Variants in DRC11 observed in about 807,000 individuals in gnomAD.
The protein encoded by DRC11 is IQ and AAA domain-containing protein 1.
At chr2:236,357,562 A>ATAT in the DRC11 span, among the ~76,000 whole-genome samples, 21,381 of 125,398 alleles carry the variant, frequency 0.17, 2,096 homozygotes, top group Non-Finnish European at 0.22. Flanking sequence ...ACATATTTAC[A>ATAT]TATATGCATA....
At chr2:236,402,125 G>T in the DRC11 span, among the ~76,000 whole-genome samples, 2 of 152,208 alleles carry the variant, frequency 1.3e-5, no homozygotes, top group Non-Finnish European at 2.9e-5. The surrounding 1 kb of genome is among the most constrained non-coding windows in gnomAD (Gnocchi z 6.0). Flanking sequence ...GCTCAGGGCT[G>T]GCAGCGGCTC....
the DRC11 span, among the ~76,000 whole-genome samples, chr2:236,385,173 A>G: frequency 2.6e-5 from 4 of 151,464 alleles, no homozygotes; most frequent in East Asian, 7.8e-4. Flanking sequence ...TGAACTTTAA[A>G]GTAGTTTTTT....
At chr2:236,357,719 T>TA in the DRC11 span, among the ~76,000 whole-genome samples, 1 of 126,482 alleles carries the variant, frequency 7.9e-6, no homozygotes, top group Non-Finnish European at 1.5e-5. Flanking sequence ...TATGTATTTA[T>TA]AATATATAAA....
At chr2:236,319,401 A>G in the DRC11 span, among the ~76,000 whole-genome samples, 1 of 152,244 alleles carries the variant, frequency 6.6e-6, no homozygotes, top group Non-Finnish European at 1.5e-5. This position sits in a 1 kb window ranked among gnomAD's most constrained non-coding sequence, Gnocchi z 6.7. Flanking sequence ...AGCTGGGATG[A>G]AGCCTGAGTT....
the DRC11 span, among the ~76,000 whole-genome samples, chr2:236,373,276 C>T: frequency 0.033 from 4,470 of 135,668 alleles, 225 homozygotes; most frequent in African/African-American, 0.12. Context: ...TTTTTTTTTG[C>T]GACGGAGTCC....
chr2:236,399,012 CAG>C, the DRC11 span, among the ~76,000 whole-genome samples: 1 of 149,874 alleles, frequency 6.7e-6, no homozygotes, highest in African/African-American at 2.5e-5. This position sits in a 1 kb window ranked among gnomAD's most constrained non-coding sequence, Gnocchi z 7.0. Context: ...TTTTTTGAGG[CAG>C]AGTCTCGCTC....
chr2:236,456,337 G>GC, the DRC11 span, among the ~76,000 whole-genome samples: 1 of 152,322 alleles, frequency 6.6e-6, no homozygotes, highest in East Asian at 1.9e-4. The surrounding 1 kb of genome is among the most constrained non-coding windows in gnomAD (Gnocchi z 5.4). Context: ...AGGTCACGCA[G>GC]CCCGCAAGTG....
the DRC11 span, among the ~76,000 whole-genome samples, chr2:236,456,341 G>A: frequency 1.3e-5 from 2 of 152,282 alleles, no homozygotes; most frequent in East Asian, 1.9e-4. This position sits in a 1 kb window ranked among gnomAD's most constrained non-coding sequence, Gnocchi z 5.4. Context: ...CACGCAGCCC[G>A]CAAGTGATAG....
the DRC11 span, among the ~76,000 whole-genome samples, chr2:236,412,303 G>T: frequency 3.3e-5 from 5 of 152,146 alleles, no homozygotes; most frequent in African/African-American, 1.2e-4. Flanking sequence ...CATGGTGCTG[G>T]ATTTCTTCCT....
the DRC11 span, among the ~76,000 whole-genome samples, chr2:236,430,850 G>C: frequency 6.6e-6 from 1 of 152,156 alleles, no homozygotes; most frequent in Non-Finnish European, 1.5e-5. This position sits in a 1 kb window ranked among gnomAD's most constrained non-coding sequence, Gnocchi z 6.0. Flanking sequence ...AGTTGCATGG[G>C]TGGAAAATGT....
chr2:236,450,002 T>A, the DRC11 span, among the ~76,000 whole-genome samples: 1 of 152,218 alleles, frequency 6.6e-6, no homozygotes, highest in African/African-American at 2.4e-5. Flanking sequence ...TCCACCTGGA[T>A]TAGCTTGGAG....
At chr2:236,362,048 G>C in the DRC11 span, among the ~76,000 whole-genome samples, 1 of 152,096 alleles carries the variant, frequency 6.6e-6, no homozygotes, top group Non-Finnish European at 1.5e-5. The surrounding 1 kb of genome is among the most constrained non-coding windows in gnomAD (Gnocchi z 5.7). Context: ...TAATCAACCA[G>C]GAAGGAAGAC....
the DRC11 span, among the ~76,000 whole-genome samples, chr2:236,472,438 C>T: frequency 6.6e-6 from 1 of 152,150 alleles, no homozygotes; most frequent in African/African-American, 2.4e-5. The surrounding 1 kb of genome is among the most constrained non-coding windows in gnomAD (Gnocchi z 4.6). Context: ...ATAACTTCAG[C>T]AGTATATGAT....
the DRC11 span, among the ~76,000 whole-genome samples, chr2:236,350,724 C>A: frequency 6.6e-6 from 1 of 152,220 alleles, no homozygotes; most frequent in Non-Finnish European, 1.5e-5. This position sits in a 1 kb window ranked among gnomAD's most constrained non-coding sequence, Gnocchi z 5.2. Flanking sequence ...GATGCCTATT[C>A]CTTGACCTGT....
chr2:236,306,950 C>T, the DRC11 span, among the ~76,000 whole-genome samples: 18 of 151,658 alleles, frequency 1.2e-4, no homozygotes, highest in African/African-American at 4.1e-4. This position sits in a 1 kb window ranked among gnomAD's most constrained non-coding sequence, Gnocchi z 5.9. Flanking sequence ...AATCCTCTCC[C>T]GTTCTACACC....
chr2:236,381,157 T>G, the DRC11 span, among the ~76,000 whole-genome samples: 1 of 152,156 alleles, frequency 6.6e-6, no homozygotes, highest in Non-Finnish European at 1.5e-5. This position sits in a 1 kb window ranked among gnomAD's most constrained non-coding sequence, Gnocchi z 5.8. Context: ...TTCCACCATA[T>G]GAAGACACAG....
the DRC11 span, among the ~76,000 whole-genome samples, chr2:236,378,284 G>A: frequency 2.0e-5 from 3 of 152,260 alleles, no homozygotes; most frequent in Non-Finnish European, 2.9e-5. Context: ...CAACTGTAGT[G>A]TTTTAACTTG....
the DRC11 span, chr2:236,324,854 G>T: frequency 2.5e-3 from 2,906 of 1,146,178 alleles, 4 homozygotes; most frequent in Non-Finnish European, 3.2e-3. This position sits in a 1 kb window ranked among gnomAD's most constrained non-coding sequence, Gnocchi z 5.7. Flanking sequence ...TAAAAATAAA[G>T]AAAAGCCTGC....
chr2:236,310,119 TAGG>T, the DRC11 span, among the ~76,000 whole-genome samples: 1 of 152,130 alleles, frequency 6.6e-6, no homozygotes, highest in African/African-American at 2.4e-5. This position sits in a 1 kb window ranked among gnomAD's most constrained non-coding sequence, Gnocchi z 5.5. Context: ...CTGCTAAGCC[TAGG>T]AGGACAGGCC....
Sources: gnomAD v4.1 joint callset for allele counts (sites outside exome capture counted in the v4.1 genomes callset) on GRCh38, gnomAD v4.1.1 for gene constraint, Gnocchi (gnomAD v3.1) non-coding constraint, MANE v1.5 for transcripts, NCBI Gene and HGNC (gene_info 2026-07-23, HGNC 2026-07-21) for gene names.